Variants in RPGRIP1 observed in about 807,000 individuals in gnomAD.
RPGRIP1 encodes the protein RPGR interacting protein 1, also known as X-linked retinitis pigmentosa GTPase regulator-interacting protein 1.
Under a neutral mutation model 157.9 loss-of-function variants are expected in RPGRIP1, and 128 were observed. The ratio of observed to expected loss-of-function variants is 0.81; its 90% CI spans 0.70 to 0.94. The LOEUF is 0.94. Among genes scored for constraint, RPGRIP1 ranks in the 40% least tolerant of loss-of-function variants. The pLI, the probability that RPGRIP1 is intolerant of heterozygous loss-of-function variation, is 0.00. For missense variants in RPGRIP1, 1,486 were observed against 1,545.8 expected (o/e 0.96, Z 0.65); for synonymous variants, 554 against 571.6 (o/e 0.97, Z 0.44).
intron 11 of RPGRIP1, among the ~76,000 whole-genome samples, chr14:21,318,976 A>C (rs201649129): frequency 6.6e-6 from 1 of 152,332 alleles, no homozygotes; most frequent in South Asian, 2.1e-4. Flanking sequence ...AATACTGTCA[A>C]AAAGACCTTC....
chr14:21,299,908 C>T (rs1880950561), intron 3 of RPGRIP1, among the ~76,000 whole-genome samples: 1 of 152,166 alleles, frequency 6.6e-6, no homozygotes, highest in African/African-American at 2.4e-5. Flanking sequence ...TGCTTTCTCA[C>T]TGTGTCTTGG....
At position 21,300,965 on chromosome 14, in the gene RPGRIP1, G is replaced by A. The variant is rs1166168557; in HGVS notation, c.219-1G>A. ...AAGCCACGTGCTCTATTTGTCCACA[G>A]GCTGAGGACCACCTTGCTGCGGTTG... is the stretch of plus-strand genomic sequence containing the variant. On this transcript the variant is annotated splice_acceptor_variant, in intron 3 of 24. Coordinates refer to ENST00000400017, the MANE Select transcript of RPGRIP1 (RefSeq NM_020366.4). LOFTEE classifies it high-confidence loss of function. 6.2e-7 allele frequency: 1 copy of A among 1,612,706 alleles called. No homozygotes were observed. Among genetic ancestry groups the A allele is most frequent in the Non-Finnish European group, 8.5e-7 (1 of 1,179,348 alleles).
intron 21 of RPGRIP1, among the ~76,000 whole-genome samples, chr14:21,339,436 C>T (rs1393506288): frequency 6.6e-6 from 1 of 152,020 alleles, no homozygotes; most frequent in Admixed American, 6.6e-5. Context: ...CAGAGCGAAA[C>T]TCGGTCTCAA....
intron 18 of RPGRIP1, 118 bp downstream of exon 18, chr14:21,327,925 T>G (rs1269090659): frequency 1.3e-6 from 1 of 764,592 alleles, no homozygotes; most frequent in East Asian, 2.9e-5. Context: ...TCCCAGCACT[T>G]TGGGAGGCCA....
intron 12 of RPGRIP1, among the ~76,000 whole-genome samples, chr14:21,320,927 G>C (rs1880837189): frequency 6.6e-6 from 1 of 152,162 alleles, no homozygotes; most frequent in Non-Finnish European, 1.5e-5. Context: ...AAAACTGTGA[G>C]AAGGCAGAGC....
chr14:21,326,221 T>TCTC, intron 17 of RPGRIP1, 48 bp downstream of exon 17: 1 of 1,264,776 alleles, frequency 7.9e-7, no homozygotes, highest in Non-Finnish European at 1.1e-6. Flanking sequence ...CCCAGTGTTG[T>TCTC]CTCCCTGTCC....
chr14:21,345,282 A>C, intron 23 of RPGRIP1, 85 bp downstream of exon 23: 1 of 855,082 alleles, frequency 1.2e-6, no homozygotes. Context: ...GCTGATGCTG[A>C]ATATTTTAAT....
chr14:21,294,670 A>G lies in RPGRIP1; in HGVS notation c.86-7A>G, dbSNP rs1355044824. On this transcript the variant is annotated splice_polypyrimidine_tract_variant and splice_region_variant and intron_variant, in intron 2 of 24. Coordinates refer to ENST00000400017, the MANE Select transcript of RPGRIP1 (RefSeq NM_020366.4). ...TACTGTCCATTTACTGTTTTCTGGG[A>G]CTTTAGGTAAGAATATGAAAACTCA... 2 of 1,612,592 alleles carry G rather than the reference A, an allele frequency of 1.2e-6. No individual in the cohort carries two copies. The highest frequency in any genetic ancestry group is 3.4e-5 in the Admixed American group (2 of 59,682).
chr14:21,337,753 A>ATTTT (rs60322777), intron 21 of RPGRIP1, among the ~76,000 whole-genome samples: 1 of 98,296 alleles, frequency 1.0e-5, no homozygotes, highest in African/African-American at 4.3e-5. Context: ...TAGGTTAAGC[A>ATTTT]TTTTTTTTTT....
At chr14:21,294,155 G>A (rs1005769142) in intron 2 of RPGRIP1, among the ~76,000 whole-genome samples, 13 of 151,588 alleles carry the variant, frequency 8.6e-5, no homozygotes, top group East Asian at 1.9e-4. Flanking sequence ...CTTTCTAGAC[G>A]GAAGGTCGAG....
chr14:21,321,455 A>C, intron 13 of RPGRIP1, 53 bp downstream of exon 13: 1 of 1,572,748 alleles, frequency 6.4e-7, no homozygotes, highest in Non-Finnish European at 8.6e-7. Flanking sequence ...CGTGGGAACC[A>C]CTCACAGGAC....
intron 6 of RPGRIP1, among the ~76,000 whole-genome samples, chr14:21,306,384 C>T (rs1204769484): frequency 1.3e-5 from 2 of 151,400 alleles, no homozygotes; most frequent in Non-Finnish European, 2.9e-5. Flanking sequence ...TCGCCTTCCT[C>T]GACCTCCCAA....
chr14:21,307,797 A>T lies in RPGRIP1; in HGVS notation c.867A>T (p.Ser289=), dbSNP rs892708678. Residue 289 remains serine, a synonymous_variant, in exon 7 of 25, where the codon TCA becomes TCT. Transcript: ENST00000400017. ...AGCTCTTACATGAAAGAAATGCTTC[A>T]TTGGTTATGACAAAAGCACAATTAA... ...LKKLLHERNA[S]LVMTKAQLTE... is the part of the protein sequence containing the mutation. 7 of 1,568,156 alleles carry T rather than the reference A, an allele frequency of 4.5e-6. No homozygotes were observed. The African/African-American group carries it at 9.5e-5, about 21-fold the overall frequency.
At chr14:21,318,201 G>A (rs1325522085) in intron 11 of RPGRIP1, 1 of 467,526 alleles carries the variant, frequency 2.1e-6, no homozygotes. Flanking sequence ...TCACCTCCCA[G>A]GTACAAGCGA....
chr14:21,285,516 A>G (rs1202416911), intron 1 of RPGRIP1, among the ~76,000 whole-genome samples: 2 of 151,654 alleles, frequency 1.3e-5, no homozygotes, highest in Non-Finnish European at 2.9e-5. Context: ...GAGGCAGGAG[A>G]ATCACTTGAA....
At chr14:21,318,863 A>G (rs549179243) in intron 11 of RPGRIP1, among the ~76,000 whole-genome samples, 4 of 151,038 alleles carry the variant, frequency 2.6e-5, no homozygotes, top group South Asian at 2.1e-4. Context: ...TTGCCATCCA[A>G]TTCTTGAAAT....
intron 2 of RPGRIP1, among the ~76,000 whole-genome samples, chr14:21,290,170 C>A (rs763644092): frequency 5.9e-5 from 9 of 151,902 alleles, no homozygotes; most frequent in Non-Finnish European, 1.2e-4. Flanking sequence ...GTTTTTATTT[C>A]TCCTGGGCAC....
intron 19 of RPGRIP1, among the ~76,000 whole-genome samples, chr14:21,329,101 G>A (rs1057247618): frequency 6.9e-5 from 10 of 145,834 alleles, no homozygotes; most frequent in African/African-American, 2.1e-4. Flanking sequence ...CTAAGATCGC[G>A]CCATTGCACT....
In RPGRIP1 at chr14:21,322,956, T is replaced by G. The variant is rs112118573; in HGVS notation, c.1762+952T>G. ...TTATTATACCCAGTGGTGAAAGATC[T>G]GACTCACGAAAACCAAATTAACCAG... On this transcript the variant is annotated intron_variant, in intron 14 of 24. Transcript: ENST00000400017. 9.5e-3 allele frequency among the ~76,000 whole-genome samples: 1,452 copies of G among 152,312 alleles called. 27 individuals are homozygous for G. The highest frequency in any genetic ancestry group is 0.031 in the African/African-American group (1,299 of 41,568).
Sources: gnomAD v4.1 joint callset for allele counts (sites outside exome capture counted in the v4.1 genomes callset) on GRCh38, gnomAD v4.1.1 for gene constraint, MANE v1.5 for transcripts, NCBI Gene and HGNC (gene_info 2026-07-23, HGNC 2026-07-21) for gene names.